SLC24A3: variants seen among roughly 807,000 people sequenced by gnomAD.
The protein encoded by SLC24A3 is sodium/potassium/calcium exchanger 3.
A neutral mutation model predicts 75.8 loss-of-function variants in SLC24A3; 28 were observed. The observed-to-expected ratio is 0.37, with a 90% CI of 0.27 to 0.51. The LOEUF is 0.51. SLC24A3 is among the 20% of genes least tolerant of loss of function. The probability of loss-of-function intolerance (pLI) is 0.94; values close to 1 mark genes in which losing one functional copy is unlikely to be tolerated. For synonymous variants in SLC24A3, 372 were observed against 334.1 expected (o/e 1.11, Z -1.24); for missense variants, 663 against 847.8 (o/e 0.78, Z 2.71).
intron 2 of SLC24A3, among the ~76,000 whole-genome samples, chr20:19,444,327 A>T (rs1987345805): frequency 6.6e-6 from 1 of 152,044 alleles, no homozygotes; most frequent in South Asian, 2.1e-4. Flanking sequence ...TTGGTACTGG[A>T]GTAATGTTGG....
chr20:19,362,993 C>T lies in SLC24A3; in HGVS notation c.271+81906C>T, dbSNP rs539665374. Among the ~76,000 whole-genome samples the T allele has an allele frequency of 5.3e-5, 8 of 152,298 alleles. No homozygotes were observed. The East Asian group carries it at 1.2e-3, about 22-fold the overall frequency. ...TTAAGTATTTGGGCTTCCCATGTGT[C>T]GCTGGGAAAGCTTGACTTAGGGCTA... On this transcript the variant is annotated intron_variant, in intron 2 of 16. Transcript: ENST00000328041.
chr20:19,621,721 G>A (rs1038046374), intron 6 of SLC24A3, among the ~76,000 whole-genome samples: 2 of 152,188 alleles, frequency 1.3e-5, no homozygotes, highest in African/African-American at 4.8e-5. Flanking sequence ...CAGCTCCTGG[G>A]TTCTGCTGCT....
chr20:19,475,014 G>A (rs532271141), intron 2 of SLC24A3, among the ~76,000 whole-genome samples: 1 of 152,210 alleles, frequency 6.6e-6, no homozygotes, highest in South Asian at 2.1e-4. Context: ...GTTCACAATA[G>A]AGGTGACCAG....
intron 2 of SLC24A3, among the ~76,000 whole-genome samples, chr20:19,387,550 T>A (rs1986292220): frequency 1.3e-5 from 2 of 152,360 alleles, no homozygotes; most frequent in South Asian, 2.1e-4. Flanking sequence ...AGATATTTTT[T>A]AATTTTCTTT....
intron 2 of SLC24A3, among the ~76,000 whole-genome samples, chr20:19,508,187 A>T (rs1278806035): frequency 1.3e-5 from 2 of 152,196 alleles, no homozygotes; most frequent in Non-Finnish European, 2.9e-5. Flanking sequence ...GGCTTTACTA[A>T]GACAGATGAA....
intron 6 of SLC24A3, among the ~76,000 whole-genome samples, chr20:19,589,421 G>A (rs1483124225): frequency 6.6e-6 from 1 of 152,208 alleles, no homozygotes; most frequent in African/African-American, 2.4e-5. Flanking sequence ...CCAGCTTGCT[G>A]GGCTCAGGCG....
rs555742358 is a variant in SLC24A3 at position 19,431,484 on chromosome 20, G to A, written c.272-84004G>A. Among the ~76,000 whole-genome samples the A allele has an allele frequency of 3.9e-5, 6 of 152,210 alleles. No homozygotes were observed. The South Asian group carries it at 1.2e-3, about 32-fold the overall frequency. On this transcript the variant is annotated intron_variant, in intron 2 of 16. Coordinates refer to ENST00000328041, the MANE Select transcript of SLC24A3 (RefSeq NM_020689.4). ...CCTGCTGTGCTCAGTCACAGGCTGG[G>A]AGCAGCCGCTCCATGGGGCCGTGGG...
chr20:19,330,004 C>G (rs1984963124), intron 2 of SLC24A3, among the ~76,000 whole-genome samples: 1 of 152,146 alleles, frequency 6.6e-6, no homozygotes, highest in African/African-American at 2.4e-5. Flanking sequence ...CATCTGCAGT[C>G]TCTACACATG....
intron 15 of SLC24A3, among the ~76,000 whole-genome samples, chr20:19,706,900 A>G (rs536114856): frequency 6.6e-6 from 1 of 152,296 alleles, no homozygotes; most frequent in South Asian, 2.1e-4. Context: ...GCTAAGTAAC[A>G]AAAGGCATGC....
rs79679029 is a variant in SLC24A3 at position 19,611,446 on chromosome 20, A to G, written c.612+25902A>G. The stretch of plus-strand genomic sequence containing the variant: ...GATCCCCACTTAGGACTCTCTAAGC[A>G]GAGTAGCCCATACATGATTGTCTTC... On this transcript the variant is annotated intron_variant, in intron 6 of 16. Transcript: ENST00000328041. 7.4e-3 allele frequency among the ~76,000 whole-genome samples: 1,131 copies of G among 152,342 alleles called. 16 individuals are homozygous for G. The highest frequency in any genetic ancestry group is 0.026 in the African/African-American group (1,090 of 41,578).
intron 7 of SLC24A3, among the ~76,000 whole-genome samples, chr20:19,662,107 C>T (rs1311286457): frequency 2.0e-5 from 3 of 152,230 alleles, no homozygotes; most frequent in African/African-American, 7.2e-5. Context: ...GGATGAACCA[C>T]ATGTGGGTCA....
At chr20:19,634,570 A>G (rs2031976418) in intron 6 of SLC24A3, among the ~76,000 whole-genome samples, 1 of 148,896 alleles carries the variant, frequency 6.7e-6, no homozygotes, top group South Asian at 2.1e-4. Flanking sequence ...AGTGCTCAAC[A>G]ATAAAAAAGA....
intron 1 of SLC24A3, chr20:19,266,011 A>G (rs959643605): frequency 6.5e-6 from 1 of 152,696 alleles, no homozygotes; most frequent in Admixed American, 6.5e-5. Flanking sequence ...TAAAATGAAA[A>G]TCTGAGGTTG....
At chr20:19,232,300 CTTTAT>C (rs1982045526) in intron 1 of SLC24A3, among the ~76,000 whole-genome samples, 2 of 152,104 alleles carry the variant, frequency 1.3e-5, no homozygotes, top group Admixed American at 6.5e-5. Context: ...GATCAGCTCT[CTTTAT>C]TTTATGAATA....
At chr20:19,471,112 C>T (rs1031733517) in intron 2 of SLC24A3, among the ~76,000 whole-genome samples, 5 of 152,144 alleles carry the variant, frequency 3.3e-5, no homozygotes, top group African/African-American at 1.2e-4. Context: ...GGTATTTTGA[C>T]GTTTTGGGGT....
intron 6 of SLC24A3, among the ~76,000 whole-genome samples, chr20:19,607,893 A>C (rs1296295499): frequency 6.6e-6 from 1 of 152,140 alleles, no homozygotes; most frequent in East Asian, 1.9e-4. Context: ...GCCCTTTCTC[A>C]TGTCTAGCTG....
chr20:19,381,729 A>C (rs953620278), intron 2 of SLC24A3, among the ~76,000 whole-genome samples: 1 of 152,184 alleles, frequency 6.6e-6, no homozygotes, highest in Non-Finnish European at 1.5e-5. Flanking sequence ...GTTTCAGCAC[A>C]AGTTAGGTGA....
chr20:19,329,848 C>T lies in SLC24A3; in HGVS notation c.271+48761C>T, dbSNP rs541031493. Among the ~76,000 whole-genome samples, 51 of 152,292 alleles carry T rather than the reference C, an allele frequency of 3.3e-4. 1 individual carries two copies. Among genetic ancestry groups the T allele is most frequent in the Middle Eastern group, 6.8e-3 (2 of 294 alleles). ...ATACACAGTGAGTGCTAGCCTTTTACCTGTGCTATTTGAAGGTCAAGGCTT... is the reference window on the plus strand; with the variant it reads ...ATACACAGTGAGTGCTAGCCTTTTATCTGTGCTATTTGAAGGTCAAGGCTT... On this transcript the variant is annotated intron_variant, in intron 2 of 16. Transcript: ENST00000328041.
intron 6 of SLC24A3, among the ~76,000 whole-genome samples, chr20:19,589,385 T>A (rs2031341572): frequency 6.6e-6 from 1 of 152,176 alleles, no homozygotes; most frequent in Non-Finnish European, 1.5e-5. Context: ...AAGACTGCAC[T>A]TAAGGGATAT....
Sources: allele counts gnomAD v4.1 joint callset (sites outside exome capture counted in the v4.1 genomes callset), GRCh38; gene constraint gnomAD v4.1.1; transcripts MANE v1.5; gene names NCBI Gene and HGNC (gene_info 2026-07-23, HGNC 2026-07-21).